The following KPNA7 variants were observed in gnomAD, a reference collection of about 807,000 sequenced individuals.
KPNA7 encodes importin subunit alpha-8.
A neutral mutation model predicts 53.7 loss-of-function variants in KPNA7; 54 were observed. The ratio of observed to expected loss-of-function variants is 1.01; its 90% confidence interval spans 0.81 to 1.26. The LOEUF is 1.26. Ranked by LOEUF, KPNA7 falls within the 50% of genes most tolerant of loss-of-function variation. The pLI, the probability that KPNA7 is intolerant of heterozygous loss-of-function variation, is 0.00. For missense variants in KPNA7, 640 were observed against 644.5 expected (o/e 0.99, Z 0.07); for synonymous variants, 276 against 259.3 (o/e 1.06, Z -0.62).
rs138176387 is a variant in KPNA7 at position 99,181,880 on chromosome 7, C to T, written c.1317+3G>A. ...ACAAACCAACCTGTTCAGAACGGCTCACCTGGAGGATGCAAGAGATGACAT... is the reference window on the plus strand; with the variant it reads ...ACAAACCAACCTGTTCAGAACGGCTTACCTGGAGGATGCAAGAGATGACAT... On this transcript the variant is annotated splice_donor_region_variant and intron_variant, in intron 9 of 10. Coordinates refer to ENST00000327442, the MANE Select transcript of KPNA7 (RefSeq NM_001145715.3). The T allele has an allele frequency of 4.1e-4, 637 of 1,538,686 alleles. 3 individuals are homozygous for T. In the African/African-American group the frequency reaches 4.6e-3, roughly 11 times the overall value.
intron 1 of KPNA7, among the ~76,000 whole-genome samples, chr7:99,213,558 C>T (rs1791131444): frequency 6.6e-6 from 1 of 151,888 alleles, no homozygotes; most frequent in African/African-American, 2.4e-5. Context: ...ATCCTCCCAC[C>T]TCAGCTTCCT....
intron 6 of KPNA7, among the ~76,000 whole-genome samples, chr7:99,191,991 T>C (rs1789980420): frequency 1.3e-5 from 2 of 152,166 alleles, no homozygotes; most frequent in African/African-American, 4.8e-5. Flanking sequence ...TTCATTTTTG[T>C]TTGAGGCAAA....
the KPNA7 span, among the ~76,000 whole-genome samples, chr7:99,161,268 T>TCC: frequency 1.5e-4 from 18 of 123,002 alleles, no homozygotes; most frequent in African/African-American, 5.0e-4. Context: ...TCTCTCTCTC[T>TCC]CTGATCACTT....
the KPNA7 span, among the ~76,000 whole-genome samples, chr7:99,153,942 T>G: frequency 1.3e-5 from 2 of 152,052 alleles, no homozygotes; most frequent in African/African-American, 4.8e-5. Flanking sequence ...CACTTCAGCC[T>G]GGGTGACAGA....
chr7:99,149,544 G>A, the KPNA7 span, among the ~76,000 whole-genome samples: 1 of 152,200 alleles, frequency 6.6e-6, no homozygotes, highest in Non-Finnish European at 1.5e-5. Flanking sequence ...TTATTAGTAT[G>A]TGTGTGATTG....
chr7:99,178,995 T>C (rs2150704047), intron 9 of KPNA7, among the ~76,000 whole-genome samples: 1 of 151,788 alleles, frequency 6.6e-6, no homozygotes, highest in East Asian at 2.0e-4. Context: ...CAGGCTGGTC[T>C]TGAACTCCTA....
At chr7:99,187,049 G>A (rs1380965052) in intron 7 of KPNA7, among the ~76,000 whole-genome samples, 2 of 152,134 alleles carry the variant, frequency 1.3e-5, no homozygotes, top group Non-Finnish European at 2.9e-5. Context: ...CACTTTGGGA[G>A]GCTGAGGTGG....
chr7:99,150,913 T>C, the KPNA7 span, among the ~76,000 whole-genome samples: 1 of 152,204 alleles, frequency 6.6e-6, no homozygotes, highest in East Asian at 1.9e-4. Context: ...CTGGCGAGGC[T>C]CTAATCTTAC....
intron 5 of KPNA7, 91 bp from the exon 6 acceptor site, chr7:99,193,192 G>A (rs1364055488): frequency 4.0e-6 from 3 of 749,896 alleles, no homozygotes; most frequent in Admixed American, 7.1e-5. Flanking sequence ...CAAAGGGCAA[G>A]AGACAAAAAC....
chr7:99,159,348 CAAAAAAAAAA>C, the KPNA7 span, among the ~76,000 whole-genome samples: 1 of 58,150 alleles, frequency 1.7e-5, no homozygotes, highest in African/African-American at 5.8e-5. Context: ...GACACTGTCT[CAAAAAAAAAA>C]AAAAAAAAAA....
At chr7:99,214,458 A>ACAAAAAT (rs1491034281) in intron 1 of KPNA7, among the ~76,000 whole-genome samples, 1 of 147,820 alleles carries the variant, frequency 6.8e-6, no homozygotes, top group Non-Finnish European at 1.5e-5. Flanking sequence ...AAAACAAAAA[A>ACAAAAAT]CAAAAACAAA....
intron 9 of KPNA7, among the ~76,000 whole-genome samples, chr7:99,181,320 A>G (rs1050173650): frequency 3.9e-5 from 6 of 152,154 alleles, no homozygotes; most frequent in Non-Finnish European, 5.9e-5. Context: ...TACTTTATCC[A>G]TAACTCCCTA....
At chr7:99,155,475 T>C in the KPNA7 span, among the ~76,000 whole-genome samples, 3 of 152,220 alleles carry the variant, frequency 2.0e-5, no homozygotes, top group Non-Finnish European at 4.4e-5. Flanking sequence ...TTGGCTATGT[T>C]TGGACCTGGA....
the KPNA7 span, among the ~76,000 whole-genome samples, chr7:99,167,018 G>A: frequency 1.3e-5 from 2 of 152,238 alleles, no homozygotes; most frequent in African/African-American, 4.8e-5. Context: ...AATGTCACAT[G>A]TGTTTGGGAG....
intron 8 of KPNA7, among the ~76,000 whole-genome samples, chr7:99,184,217 T>C (rs1789450870): frequency 6.7e-6 from 1 of 149,196 alleles, no homozygotes; most frequent in Non-Finnish European, 1.5e-5. Context: ...TGCAGTGGTG[T>C]GATCTTAGCT....
intron 2 of KPNA7, among the ~76,000 whole-genome samples, chr7:99,204,116 G>A (rs1328458395): frequency 5.3e-5 from 8 of 152,142 alleles, no homozygotes; most frequent in African/African-American, 1.2e-4. Flanking sequence ...ATGGTATCTC[G>A]TGCCTATAAT....
upstream of KPNA7, among the ~76,000 whole-genome samples, chr7:99,208,551 C>T (rs916357551): frequency 3.3e-5 from 5 of 151,112 alleles, no homozygotes; most frequent in Admixed American, 6.6e-5. Context: ...CCACCGTGCC[C>T]GGCCACACCT....
the KPNA7 span, among the ~76,000 whole-genome samples, chr7:99,165,666 CATG>C: frequency 1.4e-4 from 22 of 152,170 alleles, no homozygotes; most frequent in African/African-American, 3.9e-4. Flanking sequence ...CTGCTTTGGG[CATG>C]ATGTTTTGGT....
the KPNA7 span, among the ~76,000 whole-genome samples, chr7:99,164,426 G>T: frequency 6.6e-6 from 1 of 151,940 alleles, no homozygotes; most frequent in Non-Finnish European, 1.5e-5. Flanking sequence ...CTCATAGGTG[G>T]GAATTGAACA....
Sources: allele counts gnomAD v4.1 joint callset (sites outside exome capture counted in the v4.1 genomes callset), GRCh38; gene constraint gnomAD v4.1.1; transcripts MANE v1.5; gene names NCBI Gene and HGNC (gene_info 2026-07-23, HGNC 2026-07-21).